The following ARHGAP28 variants were observed in gnomAD, a reference collection of about 807,000 sequenced individuals.
ARHGAP28 encodes Rho GTPase activating protein 28.
Under a neutral mutation model 90.7 loss-of-function variants are expected in ARHGAP28, and 56 were observed. The ratio of observed to expected loss-of-function variants is 0.62; its 90% confidence interval spans 0.50 to 0.77. The LOEUF is 0.77. Ranked by LOEUF, ARHGAP28 falls within the 30% of genes least tolerant of loss-of-function variation. ARHGAP28 has a pLI of 0.00. For missense variants in ARHGAP28, 869 were observed against 900.9 expected, an observed-to-expected ratio of 0.96 and a Z score of 0.45; for synonymous variants, 308 against 323.3, an observed-to-expected ratio of 0.95 and a Z score of 0.51.
At chr18:6,870,813 T>TG in intron 7 of ARHGAP28, 81 bp downstream of exon 7, 1 of 1,453,320 alleles carries the variant, frequency 6.9e-7, no homozygotes. Context: ...TTCTTTTTTT[T>TG]TTTTGAGACG....
chr18:6,737,400 G>T (rs2055937900), intron 1 of ARHGAP28, among the ~76,000 whole-genome samples: 1 of 152,034 alleles, frequency 6.6e-6, no homozygotes, highest in South Asian at 2.1e-4. Context: ...CCTAAAAATT[G>T]AAATTATTAC....
chr18:6,870,838 T>A, intron 7 of ARHGAP28, 106 bp downstream of exon 7: 1 of 1,251,288 alleles, frequency 8.0e-7, no homozygotes, highest in Non-Finnish European at 1.1e-6. Flanking sequence ...CTCGCTCTAT[T>A]GCCCCAGGCT....
intron 1 of ARHGAP28, among the ~76,000 whole-genome samples, chr18:6,794,703 T>TA (rs58969513): frequency 0.26 from 38,840 of 152,024 alleles, 6,737 homozygotes; most frequent in African/African-American, 0.49. Flanking sequence ...TTATGTTTGG[T>TA]CAGGGTCTTG....
intron 1 of ARHGAP28, among the ~76,000 whole-genome samples, chr18:6,785,713 T>A (rs886949712): frequency 1.1e-4 from 16 of 152,188 alleles, no homozygotes; most frequent in African/African-American, 3.9e-4. Context: ...GAGAAAGGGA[T>A]TACCGTGCCT....
chr18:6,841,180 C>CCTCTTTCTCTCT (rs2056814553), intron 3 of ARHGAP28, among the ~76,000 whole-genome samples: 4 of 57,064 alleles, frequency 7.0e-5, no homozygotes, highest in Non-Finnish European at 1.3e-4. Context: ...CTCTCTCTCT[C>CCTCTTTCTCTCT]CTCTCTCTCT....
At chr18:6,841,157 T>C (rs117686374) in intron 3 of ARHGAP28, among the ~76,000 whole-genome samples, 6,530 of 68,424 alleles carry the variant, frequency 0.095, 291 homozygotes, top group Non-Finnish European at 0.13. Flanking sequence ...TCTCTCCTCT[T>C]TCTCTCTCTC....
chr18:6,801,930 C>G (rs568019173), intron 1 of ARHGAP28, among the ~76,000 whole-genome samples: 1 of 152,272 alleles, frequency 6.6e-6, no homozygotes, highest in South Asian at 2.1e-4. Flanking sequence ...CCCTTTTCAG[C>G]CTCTGGTAAC....
chr18:6,831,257 A>G (rs1386338536), intron 2 of ARHGAP28, among the ~76,000 whole-genome samples: 1 of 152,086 alleles, frequency 6.6e-6, no homozygotes, highest in East Asian at 1.9e-4. Context: ...ACTATTTTTT[A>G]AAACTTTTTA....
At chr18:6,878,951 C>T (rs112001296) in intron 10 of ARHGAP28, among the ~76,000 whole-genome samples, 52 of 152,294 alleles carry the variant, frequency 3.4e-4, no homozygotes, top group African/African-American at 6.5e-4. Flanking sequence ...TAATTATCCT[C>T]GGATTGAACC....
At chr18:6,787,895 T>C (rs2056378154) in intron 1 of ARHGAP28, among the ~76,000 whole-genome samples, 1 of 152,250 alleles carries the variant, frequency 6.6e-6, no homozygotes, top group Admixed American at 6.5e-5. Context: ...ACAGTAGGAT[T>C]ACTCCAACTG....
chr18:6,768,089 A>G (rs1457506644), intron 1 of ARHGAP28, among the ~76,000 whole-genome samples: 3 of 152,100 alleles, frequency 2.0e-5, no homozygotes, highest in African/African-American at 7.2e-5. Flanking sequence ...TTAATGTGCT[A>G]ATAATTCTAT....
At chr18:6,759,976 G>A (rs1163027621) in intron 1 of ARHGAP28, among the ~76,000 whole-genome samples, 2 of 152,144 alleles carry the variant, frequency 1.3e-5, no homozygotes, top group Non-Finnish European at 2.9e-5. Flanking sequence ...ATTGTAATCA[G>A]GAATTTTAGG....
chr18:6,869,253 C>CTTTTTTTTTTT, intron 6 of ARHGAP28, among the ~76,000 whole-genome samples: 1 of 68,040 alleles, frequency 1.5e-5, no homozygotes, highest in Non-Finnish European at 2.8e-5. Flanking sequence ...TTTTGCCATT[C>CTTTTTTTTTTT]TTTTTTTTTT....
Position 6,870,639 on chromosome 18 carries a change from A to C in ARHGAP28, c.861A>C (p.Ser287=), listed in dbSNP as rs1467074292. Residue 287 remains serine (S), a synonymous_variant, in exon 7 of 18, where the codon TCA becomes TCC. Coordinates refer to ENST00000383472, the MANE Select transcript of ARHGAP28 (RefSeq NM_001366230.1). Reference sequence around the variant, plus strand: ...TTCCACCAGAGGCTGAAGAGCTGTCATTTGAAGTGTCTTATTCAGAAATGG... The same window carrying C: ...TTCCACCAGAGGCTGAAGAGCTGTCCTTTGAAGTGTCTTATTCAGAAATGG... ...KNIPPEAEEL[S]FEVSYSEMVT... is the part of the protein sequence containing the mutation. 6.2e-7 allele frequency: 1 copy of C among 1,612,988 alleles called. No homozygotes were observed. Among genetic ancestry groups the C allele is most frequent in the Non-Finnish European group, 8.5e-7 (1 of 1,179,390 alleles).
At chr18:6,744,338 A>T (rs2143204544) in intron 1 of ARHGAP28, among the ~76,000 whole-genome samples, 1 of 152,244 alleles carries the variant, frequency 6.6e-6, no homozygotes, top group African/African-American at 2.4e-5. Flanking sequence ...ACTTTGAGTA[A>T]AATGATTAGG....
chr18:6,882,017 T>G, intron 10 of ARHGAP28, 120 bp from the exon 11 acceptor site: 1 of 865,394 alleles, frequency 1.2e-6, no homozygotes, highest in Non-Finnish European at 1.7e-6. Context: ...TTACTCTTGG[T>G]AGACATTACC....
intron 1 of ARHGAP28, among the ~76,000 whole-genome samples, chr18:6,750,398 T>A (rs2056059715): frequency 6.6e-6 from 1 of 152,204 alleles, no homozygotes; most frequent in Non-Finnish European, 1.5e-5. Flanking sequence ...CTGTTCCCTT[T>A]CTATACATCC....
At chr18:6,801,683 A>G (rs998076081) in intron 1 of ARHGAP28, among the ~76,000 whole-genome samples, 10 of 152,150 alleles carry the variant, frequency 6.6e-5, no homozygotes, top group African/African-American at 2.2e-4. Context: ...AATTTAATAC[A>G]TTGATATAAT....
intron 1 of ARHGAP28, among the ~76,000 whole-genome samples, chr18:6,771,842 G>A (rs2056245417): frequency 6.6e-6 from 1 of 152,180 alleles, no homozygotes; most frequent in Non-Finnish European, 1.5e-5. Context: ...TATGTAGTTA[G>A]ATAAAAGGTT....
Sources: gnomAD v4.1 joint callset for allele counts (sites outside exome capture counted in the v4.1 genomes callset) on GRCh38, gnomAD v4.1.1 for gene constraint, MANE v1.5 for transcripts, NCBI Gene and HGNC (gene_info 2026-07-23, HGNC 2026-07-21) for gene names.